KDM1B: variants seen among roughly 807,000 people sequenced by gnomAD.
KDM1B encodes the protein lysine demethylase 1B, also known as lysine-specific histone demethylase 2.
Under a neutral mutation model 107.4 loss-of-function variants are expected in KDM1B, and 63 were observed. That is an observed-to-expected ratio of 0.59 (90% CI 0.48 to 0.72). The LOEUF (loss-of-function observed/expected upper bound fraction) is 0.72, where lower values mean the gene tolerates loss of function less well. KDM1B is among the 30% of genes least tolerant of loss of function. The pLI, the probability that KDM1B is intolerant of heterozygous loss-of-function variation, is 0.00. For synonymous variants in KDM1B, 363 were observed against 363.9 expected, an observed-to-expected ratio of 1.00 and a Z score of 0.03; for missense variants, 749 against 1,020.8, an observed-to-expected ratio of 0.73 and a Z score of 3.63.
intron 7 of KDM1B, among the ~76,000 whole-genome samples, chr6:18,177,699 G>A (rs181601512): frequency 1.2e-4 from 18 of 151,798 alleles, no homozygotes; most frequent in African/African-American, 4.1e-4. Context: ...GTTAGCCACC[G>A]CACCTGGCAC....
chr6:18,188,697 T>A (rs1211599096), intron 9 of KDM1B, among the ~76,000 whole-genome samples: 1 of 152,114 alleles, frequency 6.6e-6, no homozygotes, highest in African/African-American at 2.4e-5. Context: ...CACTGCATCC[T>A]CCAGCTCCTG....
intron 10 of KDM1B, among the ~76,000 whole-genome samples, chr6:18,194,996 A>G (rs1388633380): frequency 6.6e-6 from 1 of 152,194 alleles, no homozygotes; most frequent in Admixed American, 6.5e-5. Context: ...CTCTATCTGT[A>G]TAGATTTGCC....
At chr6:18,199,563 G>GACGT (rs1432752307) in intron 12 of KDM1B, among the ~76,000 whole-genome samples, 1 of 152,126 alleles carries the variant, frequency 6.6e-6, no homozygotes, top group East Asian at 1.9e-4. Flanking sequence ...GGCTGCAGGT[G>GACGT]ACGTGCTGCC....
At chr6:18,168,279 A>G (rs949659882) in intron 6 of KDM1B, among the ~76,000 whole-genome samples, 68 of 152,318 alleles carry the variant, frequency 4.5e-4, no homozygotes, top group African/African-American at 1.6e-3. Flanking sequence ...TGCTACCCCC[A>G]GTTCCTGGTA....
chr6:18,182,272 T>C (rs970019239), intron 7 of KDM1B, among the ~76,000 whole-genome samples: 4 of 152,172 alleles, frequency 2.6e-5, no homozygotes, highest in Non-Finnish European at 4.4e-5. Flanking sequence ...CTTCATCTTA[T>C]TGTTCCAGTA....
At chr6:18,208,629 T>TATATA (rs1788587576) in intron 17 of KDM1B, among the ~76,000 whole-genome samples, 5 of 13,766 alleles carry the variant, frequency 3.6e-4, no homozygotes, top group African/African-American at 6.1e-4. Context: ...ATATATATAT[T>TATATA]TTTTTTTTTT....
rs541948056 is a variant in KDM1B, at chr6:18,223,462, G to T, written c.*1470G>T. 23 of 151,956 alleles carry T rather than the reference G, an allele frequency of 1.5e-4. No homozygotes were observed. Among genetic ancestry groups the T allele is most frequent in the African/African-American group, 5.5e-4 (23 of 41,470 alleles). The allele number at this position is 151,956 out of a possible 1,614,324, so 9.4% of individuals were successfully genotyped here. On this transcript the variant is annotated 3_prime_UTR_variant, in exon 22 of 22. Coordinates refer to ENST00000650836, the MANE Select transcript of KDM1B (RefSeq NM_001364614.2). ...TGTTGAGACTCATTGGTACTGACTGGCAAGTATTCTGCTTTAAAGTATCAT... is the reference window on the plus strand; with the variant it reads ...TGTTGAGACTCATTGGTACTGACTGTCAAGTATTCTGCTTTAAAGTATCAT...
rs995663320 is a variant in KDM1B at position 18,155,499 on chromosome 6, T to TGCGCGCG, written c.-120_-114dup. On this transcript the variant is annotated 5_prime_UTR_variant, in exon 1 of 22. Coordinates refer to ENST00000650836, the MANE Select transcript of KDM1B (RefSeq NM_001364614.2). This position sits in a 1 kb window ranked among gnomAD's most constrained non-coding sequence, Gnocchi z 6.2. ...TCGCGGCGCGGCTGCAGCCGTCCTGTGCGCGCGGCGCGCGGCTCCGGAGAG... is the reference window on the plus strand; with the variant it reads ...TCGCGGCGCGGCTGCAGCCGTCCTGTGCGCGCGGCGCGCGGCGCGCGGCTCCGGAGAG... The TGCGCGCG allele has an allele frequency of 1.3e-5, 2 of 153,368 alleles. No homozygotes were observed. The highest frequency in any genetic ancestry group is 1.9e-4 in the East Asian group (1 of 5,200). 9.5% of individuals were successfully genotyped at this position (153,368 alleles called of 1,614,324 possible). A position where few individuals can be genotyped will look rare whatever the true frequency, so the allele number is the denominator to read the frequency against.
chr6:18,161,028 T>C (rs1439493725), intron 3 of KDM1B, among the ~76,000 whole-genome samples: 1 of 152,046 alleles, frequency 6.6e-6, no homozygotes, highest in East Asian at 1.9e-4. Context: ...TGCTGGGGAT[T>C]ACAGGCATGA....
chr6:18,220,726 G>C (rs1789634551), intron 21 of KDM1B, among the ~76,000 whole-genome samples: 1 of 151,834 alleles, frequency 6.6e-6, no homozygotes, highest in Non-Finnish European at 1.5e-5. Context: ...GGCTTAGATG[G>C]CTTCTTGCTT....
Position 18,201,721 on chromosome 6 carries a change from C to A in KDM1B, c.1531+64C>A. On this transcript the variant is annotated intron_variant, in intron 14 of 21. Transcript: ENST00000650836. This position sits in a 1 kb window ranked among gnomAD's most constrained non-coding sequence, Gnocchi z 4.3. ...TTCGTTGTTACCTAAGCTTCATCAG[C>A]AGTGGCATTGTTCATTTGCGAGGTC... 7.3e-7 allele frequency: 1 copy of A among 1,375,324 alleles called. No individual in the cohort carries two copies. 85.2% of individuals were successfully genotyped at this position (1,375,324 alleles called of 1,614,324 possible). A position where few individuals can be genotyped will look rare whatever the true frequency, so the allele number is the denominator to read the frequency against.
intron 9 of KDM1B, among the ~76,000 whole-genome samples, chr6:18,188,610 T>G (rs1041169872): frequency 6.6e-6 from 1 of 152,016 alleles, no homozygotes; most frequent in African/African-American, 2.4e-5. Flanking sequence ...TTTACTTTAT[T>G]TTTTATTTTA....
chr6:18,216,889 G>T (rs1789276257), intron 20 of KDM1B, among the ~76,000 whole-genome samples: 1 of 152,156 alleles, frequency 6.6e-6, no homozygotes, highest in Non-Finnish European at 1.5e-5. Flanking sequence ...TATAGTATTG[G>T]TCCTATCCAT....
chr6:18,180,861 C>G (rs906492225), intron 7 of KDM1B, among the ~76,000 whole-genome samples: 1 of 152,150 alleles, frequency 6.6e-6, no homozygotes, highest in African/African-American at 2.4e-5. Context: ...CCACTGCTCC[C>G]GGCCACTCTA....
chr6:18,162,318 T>A lies in KDM1B; in HGVS notation c.216-517T>A, dbSNP rs780170339. ...GCCTGAGTGACAGAGCAAGACTCCA[T>A]CTCAAATAAATAAAAAAATATTAAA... On this transcript the variant is annotated intron_variant, in intron 4 of 21. Transcript: ENST00000650836. This position sits in a 1 kb window ranked among gnomAD's most constrained non-coding sequence, Gnocchi z 4.1. 2.6e-5 allele frequency among the ~76,000 whole-genome samples: 4 copies of A among 152,148 alleles called. No individual in the cohort carries two copies. The highest frequency in any genetic ancestry group is 5.9e-5 in the Non-Finnish European group (4 of 68,036).
chr6:18,170,920 A>G (rs1157208304), intron 6 of KDM1B, among the ~76,000 whole-genome samples: 1 of 151,554 alleles, frequency 6.6e-6, no homozygotes, highest in East Asian at 1.9e-4. Context: ...TCCCGGGTTC[A>G]TGCCATTCTC....
chr6:18,181,150 A>C (rs1434809134), intron 7 of KDM1B, among the ~76,000 whole-genome samples: 1 of 152,200 alleles, frequency 6.6e-6, no homozygotes, highest in Non-Finnish European at 1.5e-5. Context: ...AATATAGAAA[A>C]GAACAAAGAT....
intron 3 of KDM1B, among the ~76,000 whole-genome samples, chr6:18,160,565 CG>C (rs1784900155): frequency 6.6e-6 from 1 of 151,862 alleles, no homozygotes; most frequent in Non-Finnish European, 1.5e-5. Context: ...GGTGAAACCC[CG>C]TCTCTACTAA....
intron 7 of KDM1B, among the ~76,000 whole-genome samples, chr6:18,183,284 T>TTTG (rs56850158): frequency 7.9e-5 from 8 of 100,660 alleles, no homozygotes; most frequent in South Asian, 3.2e-4. Flanking sequence ...TTTTTTTTTT[T>TTTG]GAGACAGAGT....
Sources: gnomAD v4.1 joint callset for allele counts (sites outside exome capture counted in the v4.1 genomes callset) on GRCh38, gnomAD v4.1.1 for gene constraint, Gnocchi (gnomAD v3.1) non-coding constraint, MANE v1.5 for transcripts, NCBI Gene and HGNC (gene_info 2026-07-23, HGNC 2026-07-21) for gene names.